Variants in MAP7D3 observed in about 807,000 individuals in gnomAD.
The protein encoded by MAP7D3 is MAP7 domain containing 3, also known as MAP7 domain-containing protein 3.
Under a neutral mutation model 62.2 loss-of-function variants are expected in MAP7D3, and 45 were observed. The observed-to-expected ratio is 0.72, with a 90% CI of 0.57 to 0.93. MAP7D3 has a LOEUF of 0.93. Ranked by LOEUF, MAP7D3 falls within the 40% of genes least tolerant of loss-of-function variation. MAP7D3 has a pLI of 0.00. For missense variants in MAP7D3, 711 were observed against 683.1 expected (o/e 1.04, Z -0.45); for synonymous variants, 288 against 248.8 (o/e 1.16, Z -1.48).
Position 136,246,288 on chromosome X carries a change from G to A in MAP7D3, c.124C>T (p.Arg42Cys), listed in dbSNP as rs1465704586. 2 of 1,203,913 alleles carry A rather than the reference G, an allele frequency of 1.7e-6. No individual in the cohort carries two copies. Among genetic ancestry groups the A allele is most frequent in the African/African-American group, 1.8e-5 (1 of 56,937 alleles). ...KERRKQDVVNRVATHSSNIRS... is the reference protein window; with the variant it reads ...KERRKQDVVNCVATHSSNIRS... ...ATATTTGAGGAATGGGTTGCAACAC[G>A]ATTAACCACATCTTGCTTCCTCCTT... is the stretch of plus-strand genomic sequence containing the variant. Residue 42 changes from arginine to cysteine, a missense_variant, in exon 2 of 19, where the codon CGT (arginine) becomes TGT (cysteine). By Grantham distance (180) the Arg-to-Cys change is radical. Coordinates refer to ENST00000316077, the MANE Select transcript of MAP7D3 (RefSeq NM_024597.4).
intron 13 of MAP7D3, 30 bp from the exon 14 acceptor site, chrX:136,224,910 T>A: frequency 1.0e-6 from 1 of 987,021 alleles, no homozygotes; most frequent in Non-Finnish European, 1.4e-6. Flanking sequence ...AATTCAAACA[T>A]GAAAACAGAT....
intron 10 of MAP7D3, among the ~76,000 whole-genome samples, chrX:136,229,994 T>TATA (rs1491444484): frequency 3.3e-4 from 14 of 42,201 alleles, no homozygotes; most frequent in Non-Finnish European, 4.3e-4. Flanking sequence ...TATATATATA[T>TATA]TTTTTTTTTT....
Position 136,219,671 on chromosome X carries a change from T to C in MAP7D3, c.2487A>G (p.Arg829=), listed in dbSNP as rs180989613. ...GACTGGTCATTCTTTTGGAAGATGG[T>C]CTGGAAAGAGACAGTTTGGTTAGAA... The part of the protein sequence containing the change: ...KDTSIQEVVS[R]PSSKRMTSHT... The change falls in exon 17 of 19, where the codon AGA becomes AGG. Residue 829 remains arginine (R), a splice_region_variant and synonymous_variant. Coordinates refer to ENST00000316077, the MANE Select transcript of MAP7D3 (RefSeq NM_024597.4). 1 of 1,196,554 alleles carries C rather than the reference T, an allele frequency of 8.4e-7. No individual in the cohort carries two copies. Among genetic ancestry groups the C allele is most frequent in the Admixed American group, 2.2e-5 (1 of 45,800 alleles).
intron 3 of MAP7D3, among the ~76,000 whole-genome samples, chrX:136,245,574 C>T (rs964887561): frequency 5.4e-5 from 6 of 110,661 alleles, no homozygotes; most frequent in African/African-American, 1.6e-4. Context: ...GATGAAACCC[C>T]GTCTCTACCA....
intron 6 of MAP7D3, among the ~76,000 whole-genome samples, chrX:136,237,017 T>A (rs983371954): frequency 2.7e-5 from 3 of 112,419 alleles, no homozygotes; most frequent in Admixed American, 1.9e-4. Flanking sequence ...CTAGTATTTT[T>A]AAAATAAAAA....
intron 3 of MAP7D3, among the ~76,000 whole-genome samples, chrX:136,245,765 A>C (rs1391905349): frequency 1.8e-5 from 2 of 111,341 alleles, no homozygotes; most frequent in African/African-American, 6.5e-5. Context: ...ACAAAAAAAA[A>C]AGAATCACTT....
intron 1 of MAP7D3, 88 bp downstream of exon 1, chrX:136,251,201 G>T: frequency 1.2e-6 from 1 of 817,493 alleles, no homozygotes; most frequent in Non-Finnish European, 1.7e-6. Flanking sequence ...TGTGGCGCCC[G>T]CTGCGCCGCT....
intron 14 of MAP7D3, 26 bp from the exon 15 acceptor site, chrX:136,222,512 T>A (rs1193360078): frequency 1.9e-6 from 2 of 1,057,870 alleles, no homozygotes; most frequent in Non-Finnish European, 1.3e-6. Flanking sequence ...GAAATCTTGA[T>A]TATGCCTAAT....
Position 136,220,964 on chromosome X carries a change from C to G in MAP7D3, c.2288-1G>C. 8.6e-7 allele frequency: 1 copy of G among 1,164,104 alleles called. No individual in the cohort carries two copies. Among genetic ancestry groups the G allele is most frequent in the African/African-American group, 1.8e-5 (1 of 56,269 alleles). ...GGTGAGCCTGTGCCATTTAGAATGG[C>G]TAGGAAAAAAAATTACACAATTAAA... is the stretch of plus-strand genomic sequence containing the variant. On this transcript the variant is annotated splice_acceptor_variant, in intron 15 of 18. Transcript: ENST00000316077. LOFTEE classifies it high-confidence loss of function.
At chrX:136,229,848 G>A (rs1418739495) in intron 10 of MAP7D3, among the ~76,000 whole-genome samples, 2 of 105,534 alleles carry the variant, frequency 1.9e-5, no homozygotes, top group Admixed American at 1.0e-4. Flanking sequence ...CTACAGATGT[G>A]TACCACCTTA....
intron 3 of MAP7D3, among the ~76,000 whole-genome samples, chrX:136,245,810 ATTGAAG>A (rs1221988464): frequency 8.9e-6 from 1 of 111,799 alleles, no homozygotes; most frequent in African/African-American, 3.2e-5. Context: ...TTTTACAAAT[ATTGAAG>A]AAATTTCCAG....
rs1427645572 is a variant in MAP7D3 at position 136,227,300 on chromosome X, T to A, written c.2018A>T (p.Gln673Leu). ...TCAGCAAACCTGCAGTGGTGCTTCCTGGTCTTCCTGATCCAGCCATCCTTT... is the reference window on the plus strand; with the variant it reads ...TCAGCAAACCTGCAGTGGTGCTTCCAGGTCTTCCTGATCCAGCCATCCTTT... The part of the protein sequence containing the change: ...KKKGWLDQED[Q>L]EAPLQKGDAK... Residue 673 changes from glutamine (Q) to leucine (L), a missense_variant, in exon 12 of 19, where the codon CAG (glutamine) becomes CTG (leucine). Transcript: ENST00000316077. 8.3e-7 allele frequency: 1 copy of A among 1,209,391 alleles called. No homozygotes were observed. Among genetic ancestry groups the A allele is most frequent in the Non-Finnish European group, 1.1e-6 (1 of 894,733 alleles).
intron 14 of MAP7D3, 31 bp from the exon 15 acceptor site, chrX:136,222,517 C>T (rs1226292213): frequency 3.8e-6 from 4 of 1,046,973 alleles, no homozygotes; most frequent in Non-Finnish European, 5.3e-6. Flanking sequence ...CTTGATTATG[C>T]CTAATATTCA....
intron 7 of MAP7D3, 148 bp from the exon 8 acceptor site, chrX:136,232,368 G>A: frequency 4.4e-6 from 2 of 458,702 alleles, no homozygotes; most frequent in Non-Finnish European, 7.5e-6. Context: ...GAAATGCTTA[G>A]TGAAATGGAT....
chrX:136,241,488 C>T (rs1478263371), intron 4 of MAP7D3, among the ~76,000 whole-genome samples: 1 of 111,672 alleles, frequency 9.0e-6, no homozygotes, highest in African/African-American at 3.3e-5. Flanking sequence ...AAGAAAATGA[C>T]CATGCTTTCC....
chrX:136,236,462 T>C, intron 6 of MAP7D3, 123 bp from the exon 7 acceptor site: 1 of 330,763 alleles, frequency 3.0e-6, no homozygotes, highest in Non-Finnish European at 5.2e-6. Flanking sequence ...TAATTTCAAA[T>C]ATTATGCAGA....
chrX:136,246,088 T>C lies in MAP7D3; in HGVS notation c.230A>G (p.Glu77Gly). 1 of 1,201,241 alleles carries C rather than the reference T, an allele frequency of 8.3e-7. No individual in the cohort carries two copies. The highest frequency in any genetic ancestry group is 1.1e-6 in the Non-Finnish European group (1 of 888,667). Residue 77 changes from glutamate (E) to glycine (G), a missense_variant, in exon 3 of 19, where the codon GAG (glutamate) becomes GGG (glycine). Coordinates refer to ENST00000316077, the MANE Select transcript of MAP7D3 (RefSeq NM_024597.4). ...ACCGTCTTGCTGTCTCCTTTTCTCCTCTCTGCGCTCTCTTGCTAATCTTTG... is the reference window on the plus strand; with the variant it reads ...ACCGTCTTGCTGTCTCCTTTTCTCCCCTCTGCGCTCTCTTGCTAATCTTTG... ...IKQRLARERR[E>G]EKRRQQDANK...
Position 136,231,535 on chromosome X carries a change from T to C in MAP7D3, c.1413+9A>G, listed in dbSNP as rs749371853. The stretch of plus-strand genomic sequence containing the variant: ...TAGAAAATTTGTCAATAACAGGCAC[T>C]TGACAAACCTTTGGAGCGTCTCTCG... On this transcript the variant is annotated intron_variant, in intron 8 of 18. Transcript: ENST00000316077. 3 of 1,178,912 alleles carry C rather than the reference T, an allele frequency of 2.5e-6. No homozygotes were observed. The highest frequency in any genetic ancestry group is 5.0e-5 in the Admixed American group (2 of 39,980).
At chrX:136,246,419 T>C (rs781449370) in intron 1 of MAP7D3, 78 bp from the exon 2 acceptor site, 24 of 598,051 alleles carry the variant, frequency 4.0e-5, no homozygotes, top group Admixed American at 8.7e-5. Context: ...CCACGGCCAA[T>C]TGTATTTGAT....
Sources: allele counts gnomAD v4.1 joint callset (sites outside exome capture counted in the v4.1 genomes callset), GRCh38; gene constraint gnomAD v4.1.1; transcripts MANE v1.5; gene names NCBI Gene and HGNC (gene_info 2026-07-23, HGNC 2026-07-21).